PTK2B: variants seen among roughly 807,000 people sequenced by gnomAD.
PTK2B encodes protein tyrosine kinase 2 beta, also known as protein-tyrosine kinase 2-beta.
In PTK2B, 71 loss-of-function variants were observed where a neutral mutation model predicts 142.9. The ratio of observed to expected loss-of-function variants is 0.50; its 90% CI spans 0.41 to 0.61. PTK2B has a LOEUF of 0.61. PTK2B is among the 20% of genes least tolerant of loss of function. The pLI is 0.00. For synonymous variants in PTK2B, 519 were observed against 503.4 expected (o/e 1.03, Z -0.42); for missense variants, 1,105 against 1,320.4 (o/e 0.84, Z 2.53).
intron 1 of PTK2B, among the ~76,000 whole-genome samples, chr8:27,348,581 A>G (rs994090383): frequency 6.6e-6 from 1 of 152,182 alleles, no homozygotes; most frequent in Non-Finnish European, 1.5e-5. Flanking sequence ...CAATACAAAC[A>G]GTTCCCTGGT....
chr8:27,364,171 C>G (rs972729409), intron 1 of PTK2B, among the ~76,000 whole-genome samples: 2 of 152,212 alleles, frequency 1.3e-5, no homozygotes, highest in African/African-American at 4.8e-5. Flanking sequence ...AGAGCTGTGG[C>G]TTGTGCTCAG....
intron 30 of PTK2B, among the ~76,000 whole-genome samples, chr8:27,456,971 T>A (rs962719064): frequency 6.6e-6 from 1 of 152,152 alleles, no homozygotes; most frequent in East Asian, 1.9e-4. Flanking sequence ...TTCATGAGGC[T>A]CAAGGAAAGA....
chr8:27,446,845 G>A (rs1811503980), intron 24 of PTK2B, among the ~76,000 whole-genome samples: 1 of 152,214 alleles, frequency 6.6e-6, no homozygotes, highest in African/African-American at 2.4e-5. Flanking sequence ...TTTGAAATGA[G>A]CATGATAACT....
At chr8:27,451,354 G>T in intron 26 of PTK2B, 131 bp from the exon 27 acceptor site, 1 of 1,453,696 alleles carries the variant, frequency 6.9e-7, no homozygotes, top group Non-Finnish European at 9.2e-7. Context: ...GCTGCTCCCA[G>T]AAGCACCCCC....
chr8:27,338,731 A>C (rs1298407414), intron 1 of PTK2B, among the ~76,000 whole-genome samples: 1 of 152,230 alleles, frequency 6.6e-6, no homozygotes, highest in African/African-American at 2.4e-5. Context: ...TTGAGAAAGC[A>C]ACCCATAACA....
chr8:27,433,078 C>G (rs558758122), intron 10 of PTK2B, among the ~76,000 whole-genome samples: 1 of 152,198 alleles, frequency 6.6e-6, no homozygotes, highest in Non-Finnish European at 1.5e-5. Context: ...CTGCCTGCCT[C>G]GGCCTCCTAA....
chr8:27,437,680 G>C (rs1158190635), intron 17 of PTK2B, 85 bp from the exon 18 acceptor site: 1 of 1,364,420 alleles, frequency 7.3e-7, no homozygotes. Flanking sequence ...CCCCAGGGAA[G>C]GGTCAGGGGT....
chr8:27,449,186 C>A (rs1021442136), intron 24 of PTK2B, among the ~76,000 whole-genome samples: 4 of 152,214 alleles, frequency 2.6e-5, no homozygotes, highest in African/African-American at 7.2e-5. Context: ...ATTTACTTAA[C>A]CCCACGAGAA....
intron 2 of PTK2B, among the ~76,000 whole-genome samples, chr8:27,412,305 G>A (rs1008756528): frequency 3.3e-5 from 5 of 152,076 alleles, no homozygotes; most frequent in Non-Finnish European, 7.4e-5. Flanking sequence ...TTCCAGCATT[G>A]CAGCCCCCAT....
chr8:27,430,361 C>A lies in PTK2B; in HGVS notation c.615-3C>A, dbSNP rs745368017. Reference sequence around the variant, plus strand: ...CATGCTGCCTTTTTCTTCCTTCTTGCAGAAAGGAAGTGGGGCTGGACTTGT... The same window carrying A: ...CATGCTGCCTTTTTCTTCCTTCTTGAAGAAAGGAAGTGGGGCTGGACTTGT... On this transcript the variant is annotated splice_region_variant and splice_polypyrimidine_tract_variant and intron_variant, in intron 6 of 30. Transcript: ENST00000346049. 2 of 1,613,934 alleles carry A rather than the reference C, an allele frequency of 1.2e-6. No individual in the cohort carries two copies. Among genetic ancestry groups the A allele is most frequent in the East Asian group, 2.2e-5 (1 of 44,884 alleles).
exon 1 of PTK2B, chr8:27,311,564 C>T (rs902898319): frequency 1.3e-5 from 5 of 375,972 alleles, no homozygotes; most frequent in Admixed American, 9.2e-5. Flanking sequence ...GTAGGGCTTC[C>T]GTGTTACTGG....
chr8:27,454,467 A>G, intron 29 of PTK2B, 64 bp from the exon 30 acceptor site: 1 of 1,580,378 alleles, frequency 6.3e-7, no homozygotes. Flanking sequence ...AGCTCTTCCC[A>G]GGGGAAACCT....
chr8:27,413,254 G>T (rs955001784), intron 2 of PTK2B, among the ~76,000 whole-genome samples: 6 of 152,170 alleles, frequency 3.9e-5, no homozygotes, highest in Non-Finnish European at 8.8e-5. Flanking sequence ...ATGCTCCAGG[G>T]TTTATCTCCC....
At chr8:27,385,755 T>C (rs1448383209) in intron 1 of PTK2B, among the ~76,000 whole-genome samples, 1 of 152,024 alleles carries the variant, frequency 6.6e-6, no homozygotes, top group Non-Finnish European at 1.5e-5. Context: ...TAGCTGGGTA[T>C]GGGGGCGGGC....
At chr8:27,343,490 A>G (rs1201597396) in intron 1 of PTK2B, among the ~76,000 whole-genome samples, 1 of 152,174 alleles carries the variant, frequency 6.6e-6, no homozygotes, top group African/African-American at 2.4e-5. Flanking sequence ...AAAGCTCTGG[A>G]GTGTTCCAGA....
At chr8:27,321,507 G>A (rs1264474551), upstream of PTK2B, among the ~76,000 whole-genome samples, 1 of 152,212 alleles carries the variant, frequency 6.6e-6, no homozygotes, top group African/African-American at 2.4e-5. Flanking sequence ...TCCAGGGTAA[G>A]CATGGTGGCT....
intron 15 of PTK2B, 75 bp downstream of exon 15, chr8:27,436,423 G>A (rs548030134): frequency 2.1e-6 from 3 of 1,434,138 alleles, no homozygotes; most frequent in African/African-American, 1.4e-5. Context: ...ATCTGAGCAG[G>A]TTGGAGTTGG....
At chr8:27,431,511 G>T in intron 9 of PTK2B, 39 bp downstream of exon 9, 1 of 1,611,834 alleles carries the variant, frequency 6.2e-7, no homozygotes, top group East Asian at 2.2e-5. Flanking sequence ...GCCCCAGGCG[G>T]GGAGGTCGTC....
At chr8:27,374,617 G>A (rs945677208) in intron 1 of PTK2B, among the ~76,000 whole-genome samples, 1 of 152,182 alleles carries the variant, frequency 6.6e-6, no homozygotes, top group African/African-American at 2.4e-5. Context: ...CCTACTCTGG[G>A]GTGATTAGGA....
Sources: gnomAD v4.1 joint callset for allele counts (sites outside exome capture counted in the v4.1 genomes callset) on GRCh38, gnomAD v4.1.1 for gene constraint, MANE v1.5 for transcripts, NCBI Gene and HGNC (gene_info 2026-07-23, HGNC 2026-07-21) for gene names.